The following APC variants were observed in gnomAD, a reference collection of about 807,000 sequenced individuals.
The protein encoded by APC is adenomatous polyposis coli protein.
Under a neutral mutation model 247.0 loss-of-function variants are expected in APC, and 72 were observed. That is an observed-to-expected ratio of 0.29 (90% confidence interval 0.24 to 0.35). The LOEUF (loss-of-function observed/expected upper bound fraction) is 0.35, where lower values mean the gene tolerates loss of function less well. APC is among the 10% of genes least tolerant of loss of function. The pLI is 1.00. For missense variants in APC, 3,400 were observed against 3,360.7 expected (o/e 1.01, Z -0.29); for synonymous variants, 1,254 against 1,162.5 (o/e 1.08, Z -1.60).
chr5:112,812,181 C>G (rs892352491), intron 8 of APC, among the ~76,000 whole-genome samples: 3 of 152,102 alleles, frequency 2.0e-5, no homozygotes, highest in Non-Finnish European at 2.9e-5. Flanking sequence ...TAAATCTAGC[C>G]AAGACTAAAG....
At chr5:112,762,388 G>A (rs1200200430) in intron 2 of APC, among the ~76,000 whole-genome samples, 2 of 152,186 alleles carry the variant, frequency 1.3e-5, no homozygotes, top group African/African-American at 4.8e-5. Context: ...GTACAAGAAT[G>A]TTCATAGTGA....
chr5:112,804,587 C>T (rs1409007956), intron 8 of APC, among the ~76,000 whole-genome samples: 1 of 152,118 alleles, frequency 6.6e-6, no homozygotes, highest in Non-Finnish European at 1.5e-5. Context: ...ATTGTGTTGG[C>T]CAGGATAGTC....
In APC at chr5:112,707,685, AC is replaced by A. The variant is rs1750596841; in HGVS notation, c.-32del. 7 of 1,370,012 alleles carry A rather than the reference AC, an allele frequency of 5.1e-6. No individual in the cohort carries two copies. Among genetic ancestry groups the A allele is most frequent in the Non-Finnish European group, 6.7e-6 (7 of 1,038,566 alleles). 84.9% of individuals were successfully genotyped at this position (1,370,012 alleles called of 1,614,324 possible). ...TGGCTGTTGGTGAGGAAGGTGAAGCACTCAGTTGCCTTCTCGGGCCTCGGCG... is the reference window on the plus strand; with the variant it reads ...TGGCTGTTGGTGAGGAAGGTGAAGCATCAGTTGCCTTCTCGGGCCTCGGCG... On this transcript the variant is annotated 5_prime_UTR_variant, in exon 1 of 14. Coordinates refer to the APC transcript ENST00000507379.
intron 8 of APC, among the ~76,000 whole-genome samples, chr5:112,813,596 G>C (rs1485857873): frequency 6.6e-6 from 1 of 151,998 alleles, no homozygotes; most frequent in Non-Finnish European, 1.5e-5. Context: ...AGTTTACGTT[G>C]CTAGCTAACA....
Position 112,844,240 on chromosome 5 carries a change from C to T in APC, c.*114C>T. 10 of 1,004,974 alleles carry T rather than the reference C, an allele frequency of 1.0e-5. No individual in the cohort carries two copies. The highest frequency in any genetic ancestry group is 1.5e-5 in the Non-Finnish European group (10 of 685,522). 62.3% of individuals were successfully genotyped at this position (1,004,974 alleles called of 1,614,324 possible). On this transcript the variant is annotated 3_prime_UTR_variant, in exon 16 of 16. Transcript: ENST00000257430. ...AAAAATTTTGTAAATAGGTTTGATTCTTGTTAGAGGGTTTTTGTTCTGGAA... is the reference window on the plus strand; with the variant it reads ...AAAAATTTTGTAAATAGGTTTGATTTTTGTTAGAGGGTTTTTGTTCTGGAA...
rs922338310 is a variant in APC, at chr5:112,828,155, C to T, written c.1626+149C>T. ...GGTTCAAGCAATCCTCCCACTTCAG[C>T]CTCTCGAGGCTGGGCCTACAGGTGC... On this transcript the variant is annotated intron_variant, in intron 13 of 15. Coordinates refer to ENST00000257430, the MANE Select transcript of APC (RefSeq NM_000038.6). 6.2e-5 allele frequency: 45 copies of T among 727,850 alleles called. 1 individual carries two copies. The Admixed American group carries it at 7.0e-4, about 11-fold the overall frequency. The allele number at this position is 727,850 out of a possible 1,614,324, so 45.1% of individuals were successfully genotyped here.
In APC at chr5:112,839,963, G is replaced by A. The variant is rs745798904; in HGVS notation, c.4369G>A (p.Ala1457Thr). ...QTKREVPKNK[A>T]PTAEKRESGP... Reference sequence around the variant, plus strand: ...CAAGCGAGAAGTACCTAAAAATAAAGCACCTACTGCTGAAAAGAGAGAGAG... The same window carrying A: ...CAAGCGAGAAGTACCTAAAAATAAAACACCTACTGCTGAAAAGAGAGAGAG... The change falls in exon 16 of 16, where the codon GCA becomes ACA. Residue 1457 changes from alanine to threonine, a missense_variant. Coordinates refer to ENST00000257430, the MANE Select transcript of APC (RefSeq NM_000038.6). The surrounding 1 kb of genome is among the most constrained non-coding windows in gnomAD (Gnocchi z 5.0). 1 of 1,614,066 alleles carries A rather than the reference G, an allele frequency of 6.2e-7. No individual in the cohort carries two copies. Among genetic ancestry groups the A allele is most frequent in the South Asian group, 1.1e-5 (1 of 91,070 alleles).
rs903861464 is a variant in APC at position 112,838,782 on chromosome 5, G to T, written c.3188G>T (p.Ser1063Ile). Residue 1063 changes from serine to isoleucine, a missense_variant, in exon 16 of 16, where the codon AGT becomes ATT. Ser to Ile is a moderately radical substitution (Grantham distance 142, BLOSUM62 -2). Transcript: ENST00000257430. ...KHIIEDEIKQ[S>I]EQRQSRNQST... ...ATAATAGAAGATGAAATAAAACAAAGTGAGCAAAGACAATCAAGGAATCAA... is the reference window on the plus strand; with the variant it reads ...ATAATAGAAGATGAAATAAAACAAATTGAGCAAAGACAATCAAGGAATCAA... 2 of 1,614,118 alleles carry T rather than the reference G, an allele frequency of 1.2e-6. No individual in the cohort carries two copies. Among genetic ancestry groups the T allele is most frequent in the Non-Finnish European group, 1.7e-6 (2 of 1,180,016 alleles).
At chr5:112,723,855 A>G (rs752329207) in intron 1 of APC, among the ~76,000 whole-genome samples, 1 of 152,012 alleles carries the variant, frequency 6.6e-6, no homozygotes, top group Middle Eastern at 3.2e-3. Context: ...CCCCACTGCT[A>G]CTCTTTGCCA....
intron 8 of APC, among the ~76,000 whole-genome samples, chr5:112,806,587 T>TTG (rs1561523191): frequency 8.2e-4 from 122 of 148,820 alleles, no homozygotes; most frequent in African/African-American, 2.8e-3. Flanking sequence ...TTTATTTATT[T>TTG]ATTTATTGAG....
rs761163996 is a variant in APC, at chr5:112,768,043, C to CT, written c.422+670dup. ...CCTGGGTGACATAGTAAGACTCTTT[C>CT]TTTTTTTTTTTTTTTTTGAGATGCA... On this transcript the variant is annotated intron_variant, in intron 4 of 15. Coordinates refer to ENST00000257430, the MANE Select transcript of APC (RefSeq NM_000038.6). Among the ~76,000 whole-genome samples the CT allele has an allele frequency of 7.2e-3, 965 of 133,218 alleles. 7 individuals carry two copies. Among genetic ancestry groups the CT allele is most frequent in the African/African-American group, 0.019 (687 of 36,542 alleles). The allele number at this position is 133,218 out of a possible 152,430, so 87.4% of individuals were successfully genotyped here.
chr5:112,807,665 C>G (rs1761553256), intron 8 of APC, among the ~76,000 whole-genome samples: 1 of 151,750 alleles, frequency 6.6e-6, no homozygotes, highest in South Asian at 2.1e-4. Context: ...AAAACCCACT[C>G]TACTGCCACT....
chr5:112,834,819 C>A (rs974910164), intron 14 of APC, 132 bp from the exon 15 acceptor site: 3 of 784,618 alleles, frequency 3.8e-6, no homozygotes, highest in Non-Finnish European at 6.5e-6. Flanking sequence ...ATGGAAAGTT[C>A]TTAATTTACC....
chr5:112,725,785 A>G (rs1751741479), intron 1 of APC, among the ~76,000 whole-genome samples: 1 of 152,174 alleles, frequency 6.6e-6, no homozygotes, highest in African/African-American at 2.4e-5. Flanking sequence ...CCACATATCA[A>G]AAAAATTCCT....
chr5:112,709,790 A>T (rs1216374103), intron 1 of APC, among the ~76,000 whole-genome samples: 1 of 152,068 alleles, frequency 6.6e-6, no homozygotes, highest in African/African-American at 2.4e-5. Context: ...CTGTGATTCC[A>T]GCTACTTGGG....
chr5:112,787,788 T>C (rs1759132248), intron 6 of APC, among the ~76,000 whole-genome samples: 1 of 152,206 alleles, frequency 6.6e-6, no homozygotes, highest in Admixed American at 6.5e-5. Flanking sequence ...AGAGCTAAAT[T>C]AGTTATATTG....
In APC at chr5:112,846,178, C is replaced by G. The variant is rs1402358096; in HGVS notation, c.*2052C>G. The G allele has an allele frequency of 4.3e-6, 1 of 231,676 alleles. No homozygotes were observed. The highest frequency in any genetic ancestry group is 8.5e-6 in the Non-Finnish European group (1 of 117,176). 14.4% of individuals were successfully genotyped at this position (231,676 alleles called of 1,614,324 possible). A position where few individuals can be genotyped will look rare whatever the true frequency, so the allele number is the denominator to read the frequency against. On this transcript the variant is annotated 3_prime_UTR_variant, in exon 16 of 16. Transcript: ENST00000257430. The stretch of plus-strand genomic sequence containing the variant: ...TTTGCCAAATGTTATCTGAAATTGT[C>G]TATGAATACCATCTACTTCTGTTGT...
upstream of APC, among the ~76,000 whole-genome samples, chr5:112,734,777 TTGTG>T (rs71626673): frequency 2.4e-4 from 35 of 146,822 alleles, no homozygotes; most frequent in African/African-American, 8.3e-4. Context: ...AAGGGTTTTC[TTGTG>T]TGTGTGTGTG....
At chr5:112,720,377 A>C (rs1751416257) in intron 1 of APC, among the ~76,000 whole-genome samples, 1 of 152,206 alleles carries the variant, frequency 6.6e-6, no homozygotes, top group African/African-American at 2.4e-5. Flanking sequence ...GCTATGTTAG[A>C]TTCAAATAGC....
Sources: gnomAD v4.1 joint callset for allele counts (sites outside exome capture counted in the v4.1 genomes callset) on GRCh38, gnomAD v4.1.1 for gene constraint, Gnocchi (gnomAD v3.1) non-coding constraint, MANE v1.5 for transcripts, NCBI Gene and HGNC (gene_info 2026-07-23, HGNC 2026-07-21) for gene names.